Variants in NRSN2 observed in about 807,000 individuals in gnomAD.
NRSN2 encodes the protein neurensin 2.
In NRSN2, 10 loss-of-function variants were observed where a neutral mutation model predicts 11.1. That is an observed-to-expected ratio of 0.90 (90% CI 0.56 to 1.53). The LOEUF is 1.53. NRSN2 is among the 40% of genes most tolerant of loss of function. NRSN2 has a pLI of 0.00. For synonymous variants in NRSN2, 100 were observed against 117.0 expected (o/e 0.86, Z 0.94); for missense variants, 260 against 273.7 (o/e 0.95, Z 0.35).
At chr20:348,583 CTG>C (rs1255545347) in intron 2 of NRSN2, among the ~76,000 whole-genome samples, 1 of 148,308 alleles carries the variant, frequency 6.7e-6, no homozygotes, top group Non-Finnish European at 1.5e-5. Context: ...GTGTGTTTCT[CTG>C]TGCTGTTTCG....
rs776730700 is a variant in NRSN2, at chr20:349,741, A to G, written c.98A>G (p.Tyr33Cys). ...YGVRSYLHLF[Y>C]EDCAGTALSD... ...GTCCGCTCCTACCTGCACCTCTTCT[A>G]TGAGGACTGTGCAGGCACTGCTCTC... is the stretch of plus-strand genomic sequence containing the variant. The change falls in exon 4 of 5, where the codon TAT (tyrosine) becomes TGT (cysteine). Residue 33 changes from tyrosine to cysteine, a missense_variant. Physicochemically the swap from Tyr to Cys is radical, Grantham distance 194. Coordinates refer to ENST00000382285, the MANE Select transcript of NRSN2 (RefSeq NM_001323682.2). 9.9e-6 allele frequency: 16 copies of G among 1,613,474 alleles called. No homozygotes were observed. The highest frequency in any genetic ancestry group is 6.7e-5 in the African/African-American group (5 of 74,904).
In NRSN2 at chr20:349,819, C is replaced by T; in HGVS notation, c.176C>T (p.Ser59Leu). ...CTGTGCCCCCGCCGGCCCTGGCCCT[C>T]ACTGTGTTGGAAGGTAAGGCCAGAT... ...PVLCPRRPWP[S>L]LCWKISLSSG... The change falls in exon 4 of 5, where the codon TCA (serine) becomes TTA (leucine). Residue 59 changes from serine to leucine, a missense_variant. Coordinates refer to ENST00000382285, the MANE Select transcript of NRSN2 (RefSeq NM_001323682.2). 6.2e-7 allele frequency: 1 copy of T among 1,613,250 alleles called. No individual in the cohort carries two copies. Among genetic ancestry groups the T allele is most frequent in the Non-Finnish European group, 8.5e-7 (1 of 1,179,882 alleles).
In NRSN2 at chr20:353,865, T is replaced by C. The variant is rs186130927; in HGVS notation, c.*230T>C. 8.6e-5 allele frequency: 47 copies of C among 547,510 alleles called. No homozygotes were observed. In the East Asian group the frequency reaches 1.5e-3, roughly 18 times the overall value. The allele number at this position is 547,510 out of a possible 1,614,324, so 33.9% of individuals were successfully genotyped here. A position where few individuals can be genotyped will look rare whatever the true frequency, so the allele number is the denominator to read the frequency against. On this transcript the variant is annotated 3_prime_UTR_variant, in exon 5 of 5. Coordinates refer to ENST00000382285, the MANE Select transcript of NRSN2 (RefSeq NM_001323682.2). ...CCCAAAACTTCCTACCCACACCCTC[T>C]TCCCAAGGCCCTCAGGGGCAGAAAA...
In NRSN2 at chr20:353,282, C is replaced by G; in HGVS notation, c.262C>G (p.Pro88Ala). The change falls in exon 5 of 5, where the codon CCC becomes GCC. Residue 88 changes from proline to alanine, a missense_variant. Coordinates refer to ENST00000382285, the MANE Select transcript of NRSN2 (RefSeq NM_001323682.2). ...TCTGACCACTGGCTATGCAGTGCCC[C>G]CCAAGCTGGAGGGCATCGGTGAGGG... ...AALTTGYAVPPKLEGIGEGEF... is the reference protein window; with the variant it reads ...AALTTGYAVPAKLEGIGEGEF... The G allele has an allele frequency of 6.2e-7, 1 of 1,614,022 alleles. No homozygotes were observed. The highest frequency in any genetic ancestry group is 8.5e-7 in the Non-Finnish European group (1 of 1,179,982).
chr20:353,633 T>C lies in NRSN2; in HGVS notation c.613T>C (p.Ter205ArgextTer6), dbSNP rs1568520946. The change falls in exon 5 of 5, where the codon TGA becomes CGA. Residue 205 changes from the stop codon to arginine (R), a stop_lost. Coordinates refer to ENST00000382285, the MANE Select transcript of NRSN2 (RefSeq NM_001323682.2). ...VQTIQPKRDS[*>R] Reference sequence around the variant, plus strand: ...GACTATCCAGCCCAAGAGGGACTCCTGAGCTGCCCACATGGCCTAAGATGT... The same window carrying C: ...GACTATCCAGCCCAAGAGGGACTCCCGAGCTGCCCACATGGCCTAAGATGT... The C allele has an allele frequency of 6.2e-7, 1 of 1,613,166 alleles. No individual in the cohort carries two copies. The highest frequency in any genetic ancestry group is 8.5e-7 in the Non-Finnish European group (1 of 1,179,740).
rs145323455 is a variant in NRSN2 at position 351,189 on chromosome 20, G to A, written c.189+1357G>A. On this transcript the variant is annotated intron_variant, in intron 4 of 4. Transcript: ENST00000382285. ...AGTTGCAGTGAGCAGAGATCGTGCC[G>A]TTGCACTCCAGCCTGCACAACAAGA... Among the ~76,000 whole-genome samples the A allele has an allele frequency of 2.1e-3, 322 of 152,190 alleles. 1 individual carries two copies. Among genetic ancestry groups the A allele is most frequent in the African/African-American group, 7.4e-3 (306 of 41,520 alleles).
chr20:347,791 G>A lies in NRSN2; in HGVS notation c.-122+279G>A, dbSNP rs2013544318. Among the ~76,000 whole-genome samples, 1 of 151,758 alleles carries A rather than the reference G, an allele frequency of 6.6e-6. No individual in the cohort carries two copies. Among genetic ancestry groups the A allele is most frequent in the Non-Finnish European group, 1.5e-5 (1 of 67,920 alleles). ...CACGTCGGACAGCGCAGCCCCCTCC[G>A]CCTCCCGCTCCCCTCCCACCGAGCT... On this transcript the variant is annotated intron_variant, in intron 2 of 4. Coordinates refer to ENST00000382285, the MANE Select transcript of NRSN2 (RefSeq NM_001323682.2). This position sits in a 1 kb window ranked among gnomAD's most constrained non-coding sequence, Gnocchi z 7.0.
rs370178552 is a variant in NRSN2 at position 354,308 on chromosome 20, C to T, written c.*673C>T. 3 of 152,344 alleles carry T rather than the reference C, an allele frequency of 2.0e-5. No homozygotes were observed. The highest frequency in any genetic ancestry group is 1.5e-5 in the Non-Finnish European group (1 of 68,124). 9.4% of individuals were successfully genotyped at this position (152,344 alleles called of 1,614,324 possible). On this transcript the variant is annotated 3_prime_UTR_variant, in exon 5 of 5. Coordinates refer to ENST00000382285, the MANE Select transcript of NRSN2 (RefSeq NM_001323682.2). The stretch of plus-strand genomic sequence containing the variant: ...CTAGAAACACATCTTCAGCCTCCTC[C>T]TGGGCCAGCTCTTGTGCTACAGGTG...
chr20:349,817 C>T lies in NRSN2; in HGVS notation c.174C>T (p.Pro58=). ...PPVLCPRRPW[P]SLCWKISLSS... ...TCCTGTGCCCCCGCCGGCCCTGGCC[C>T]TCACTGTGTTGGAAGGTAAGGCCAG... The change falls in exon 4 of 5, where the codon CCC becomes CCT. Residue 58 remains proline, a synonymous_variant. Coordinates refer to ENST00000382285, the MANE Select transcript of NRSN2 (RefSeq NM_001323682.2). The T allele has an allele frequency of 1.2e-6, 2 of 1,613,356 alleles. No individual in the cohort carries two copies. Among genetic ancestry groups the T allele is most frequent in the Admixed American group, 1.7e-5 (1 of 59,990 alleles).
intron 3 of NRSN2, 91 bp from the exon 4 acceptor site, chr20:349,547 G>A (rs2013749134): frequency 4.8e-6 from 5 of 1,035,106 alleles, no homozygotes; most frequent in South Asian, 1.6e-5. Context: ...GAAGCGGGTG[G>A]GGCACAAAGA....
In NRSN2 at chr20:349,718, C is replaced by T; in HGVS notation, c.75C>T (p.Val25=). 1.2e-6 allele frequency: 2 copies of T among 1,613,434 alleles called. No individual in the cohort carries two copies. Among genetic ancestry groups the T allele is most frequent in the Non-Finnish European group, 1.7e-6 (2 of 1,179,988 alleles). ...TGGAGGATGGCAAGTGGTATGGGGT[C>T]CGCTCCTACCTGCACCTCTTCTATG... ...PSVEDGKWYG[V]RSYLHLFYED... is the part of the protein sequence containing the mutation. Residue 25 remains valine, a synonymous_variant, in exon 4 of 5, where the codon GTC becomes GTT. Transcript: ENST00000382285.
At chr20:352,590 T>C (rs563744582) in intron 4 of NRSN2, among the ~76,000 whole-genome samples, 1 of 152,368 alleles carries the variant, frequency 6.6e-6, no homozygotes, top group Admixed American at 6.5e-5. Flanking sequence ...CTTTTAGCTG[T>C]GGTTTATTTA....
intron 2 of NRSN2, chr20:348,484 C>CGTGT (rs57559955): frequency 0.052 from 4,256 of 81,250 alleles, 216 homozygotes; most frequent in East Asian, 0.14. Context: ...AACCTCCAAC[C>CGTGT]GTGTGTGTGT....
intron 4 of NRSN2, among the ~76,000 whole-genome samples, chr20:352,348 A>G (rs556591068): frequency 3.3e-5 from 5 of 152,294 alleles, no homozygotes; most frequent in African/African-American, 1.2e-4. Context: ...TTTGCTTTCA[A>G]AGGACTTCAC....
chr20:352,310 C>T (rs972233640), intron 4 of NRSN2, among the ~76,000 whole-genome samples: 6 of 152,150 alleles, frequency 3.9e-5, no homozygotes, highest in Admixed American at 2.0e-4. Flanking sequence ...TAAATATTCT[C>T]GGGAGACTGA....
In NRSN2 at chr20:351,934, CT is replaced by C. The variant is rs564070519; in HGVS notation, c.190-1274del. 2.5e-3 allele frequency among the ~76,000 whole-genome samples: 388 copies of C among 152,288 alleles called. 2 individuals are homozygous for C. Among genetic ancestry groups the C allele is most frequent in the African/African-American group, 8.5e-3 (352 of 41,544 alleles). On this transcript the variant is annotated intron_variant, in intron 4 of 4. Transcript: ENST00000382285. ...TTCAATACACTTACCACTTTGCACA[CT>C]TGTAGTTTATATGGAGAGGTAAAAG... is the stretch of plus-strand genomic sequence containing the variant.
At position 354,425 on chromosome 20, in the gene NRSN2, G is replaced by C. The variant is rs1435257799; in HGVS notation, c.*790G>C. 2.0e-5 allele frequency: 3 copies of C among 152,186 alleles called. No homozygotes were observed. Among genetic ancestry groups the C allele is most frequent in the African/African-American group, 7.2e-5 (3 of 41,420 alleles). 9.4% of individuals were successfully genotyped at this position (152,186 alleles called of 1,614,324 possible). ...CAGAAAGACTAGCCAGAGGCCTGAT[G>C]GTCCCAGGTGGCTCTGGATATACTT... On this transcript the variant is annotated 3_prime_UTR_variant, in exon 5 of 5. Transcript: ENST00000382285.
Position 347,597 on chromosome 20 carries a change from C to G in NRSN2, c.-122+85C>G, listed in dbSNP as rs73600400. On this transcript the variant is annotated intron_variant, in intron 2 of 4. Coordinates refer to ENST00000382285, the MANE Select transcript of NRSN2 (RefSeq NM_001323682.2). The surrounding 1 kb of genome is among the most constrained non-coding windows in gnomAD (Gnocchi z 7.0). ...CCCCGGGAGGGCGCCCCTTCTCCCC[C>G]GCCCGGGCAGCGCTGGACGCTGTAG... The G allele has an allele frequency of 0.045, 6,827 of 152,400 alleles. 503 individuals carry two copies. Among genetic ancestry groups the G allele is most frequent in the African/African-American group, 0.15 (6,316 of 41,536 alleles). The allele number at this position is 152,400 out of a possible 1,614,324, so 9.4% of individuals were successfully genotyped here. A position where few individuals can be genotyped will look rare whatever the true frequency, so the allele number is the denominator to read the frequency against.
In NRSN2 at chr20:349,927, AG is replaced by A. The variant is rs1480922663; in HGVS notation, c.189+96del. The A allele has an allele frequency of 1.1e-4, 127 of 1,187,394 alleles. No individual in the cohort carries two copies. The Middle Eastern group carries it at 1.4e-3, about 13-fold the overall frequency. The allele number at this position is 1,187,394 out of a possible 1,614,324, so 73.6% of individuals were successfully genotyped here. On this transcript the variant is annotated intron_variant, in intron 4 of 4. Coordinates refer to ENST00000382285, the MANE Select transcript of NRSN2 (RefSeq NM_001323682.2). ...CAGAGGAAAAAAGAAGAGATAGCGT[AG>A]TAGTTAGGAGTCTTGCACAGTCAAG... is the stretch of plus-strand genomic sequence containing the variant.
Sources: gnomAD v4.1 joint callset for allele counts (sites outside exome capture counted in the v4.1 genomes callset) on GRCh38, gnomAD v4.1.1 for gene constraint, Gnocchi (gnomAD v3.1) non-coding constraint, MANE v1.5 for transcripts, NCBI Gene and HGNC (gene_info 2026-07-23, HGNC 2026-07-21) for gene names.